Variants in MKX observed in about 807,000 individuals in gnomAD.
The protein encoded by MKX is homeobox protein Mohawk.
Under a neutral mutation model 36.0 loss-of-function variants are expected in MKX, and 13 were observed. The ratio of observed to expected loss-of-function variants is 0.36; its 90% confidence interval spans 0.24 to 0.57. The LOEUF is 0.57. Ranked by LOEUF, MKX falls within the 20% of genes least tolerant of loss-of-function variation. The pLI is 0.79. For missense variants in MKX, 458 were observed against 456.4 expected (o/e 1.00, Z -0.03); for synonymous variants, 176 against 178.3 (o/e 0.99, Z 0.10).
chr10:27,731,033 C>G (rs1414218042), intron 5 of MKX, among the ~76,000 whole-genome samples: 1 of 150,354 alleles, frequency 6.7e-6, no homozygotes, highest in African/African-American at 2.4e-5. Flanking sequence ...ACTCAGGAGG[C>G]TGAGGCAGGA....
intron 5 of MKX, among the ~76,000 whole-genome samples, chr10:27,708,038 C>T (rs1249551993): frequency 6.6e-6 from 1 of 152,150 alleles, no homozygotes; most frequent in Non-Finnish European, 1.5e-5. Flanking sequence ...AACCTTTATA[C>T]ATTTTCTAAA....
At chr10:27,699,613 C>T (rs574247297) in intron 5 of MKX, among the ~76,000 whole-genome samples, 58 of 152,152 alleles carry the variant, frequency 3.8e-4, no homozygotes, top group Middle Eastern at 3.4e-3. Context: ...CCACAAAATA[C>T]AAATAAACAA....
chr10:27,735,160 A>G (rs1248419463), intron 4 of MKX, 61 bp downstream of exon 4: 4 of 1,453,762 alleles, frequency 2.8e-6, no homozygotes, highest in East Asian at 2.5e-5. Context: ...AAAAATAGCA[A>G]TTATGGTGAA....
At chr10:27,686,394 AAAGGAAGGAAGGAAGGAAGGAAGGAAGG>A (rs199641003) in intron 5 of MKX, among the ~76,000 whole-genome samples, 10 of 122,998 alleles carry the variant, frequency 8.1e-5, no homozygotes, top group Admixed American at 5.1e-4. Context: ...AAGGGAAGGG[AAAGGAAGGAAGGAAGGAAGGAAGGAAGG>A]AAGGAAGGAA....
intron 5 of MKX, among the ~76,000 whole-genome samples, chr10:27,679,099 C>T (rs1340984183): frequency 1.3e-5 from 2 of 151,964 alleles, no homozygotes; most frequent in Non-Finnish European, 2.9e-5. Flanking sequence ...AATCATCTTA[C>T]ATCACACACC....
rs1254491396 is a variant in MKX at position 27,743,284 on chromosome 10, G to A, written c.132C>T (p.Gly44=). ...CCTTGAGGGGCGGGCCGTCGGGAAT[G>A]CCCACCTCGGGGCGGGCGTGAGGAC... ...LDSPHARPEV[G]IPDGPPLKDN... The change falls in exon 2 of 7, where the codon GGC becomes GGT. Residue 44 remains glycine (G), a synonymous_variant. Transcript: ENST00000419761. The A allele has an allele frequency of 3.2e-6, 5 of 1,552,696 alleles. No individual in the cohort carries two copies. In the East Asian group the frequency reaches 1.3e-4, roughly 39 times the overall value.
At chr10:27,709,976 A>G (rs1389225415) in intron 5 of MKX, among the ~76,000 whole-genome samples, 1 of 152,276 alleles carries the variant, frequency 6.6e-6, no homozygotes, top group Non-Finnish European at 1.5e-5. Flanking sequence ...TAATTAGTAT[A>G]GAAATTATCA....
At chr10:27,696,409 A>G (rs1394932482) in intron 5 of MKX, among the ~76,000 whole-genome samples, 1 of 152,202 alleles carries the variant, frequency 6.6e-6, no homozygotes, top group Non-Finnish European at 1.5e-5. Context: ...GAGACAGCAC[A>G]CTTTTAAGAT....
At chr10:27,715,202 C>CAGAT (rs9299860) in intron 5 of MKX, among the ~76,000 whole-genome samples, 103,110 of 151,638 alleles carry the variant, frequency 0.68, 37,050 homozygotes, top group Non-Finnish European at 0.8. Flanking sequence ...TGCAGGCAGA[C>CAGAT]GCTTGCTTTG....
At chr10:27,734,395 G>A in intron 5 of MKX, 61 bp downstream of exon 5, 3 of 1,380,092 alleles carry the variant, frequency 2.2e-6, no homozygotes, top group Non-Finnish European at 3.0e-6. Context: ...TCCCTCTGAT[G>A]CAGTTTTAAT....
At chr10:27,685,867 T>C (rs1836338221) in intron 5 of MKX, among the ~76,000 whole-genome samples, 2 of 152,196 alleles carry the variant, frequency 1.3e-5, no homozygotes, top group African/African-American at 4.8e-5. Context: ...TCAGAGGAAA[T>C]TTTTGTGGTT....
In MKX at chr10:27,741,718, AG is replaced by A. The variant is rs1055014216; in HGVS notation, c.189-215del. Among the ~76,000 whole-genome samples, 5 of 152,236 alleles carry A rather than the reference AG, an allele frequency of 3.3e-5. No homozygotes were observed. Among genetic ancestry groups the A allele is most frequent in the African/African-American group, 1.2e-4 (5 of 41,472 alleles). On this transcript the variant is annotated intron_variant, in intron 2 of 6. Coordinates refer to ENST00000419761, the MANE Select transcript of MKX (RefSeq NM_173576.3). The surrounding 1 kb of genome is among the most constrained non-coding windows in gnomAD (Gnocchi z 5.1). Reference sequence around the variant, plus strand: ...TCATTTCGATAGGTTTATCTTGAATAGGGGGATACCTTGAACCCAATACCCC... The same window carrying A: ...TCATTTCGATAGGTTTATCTTGAATAGGGGATACCTTGAACCCAATACCCC...
chr10:27,688,369 A>G (rs957138144), intron 5 of MKX, among the ~76,000 whole-genome samples: 3 of 152,236 alleles, frequency 2.0e-5, no homozygotes, highest in Non-Finnish European at 4.4e-5. Flanking sequence ...AGATTAATGG[A>G]TTAAGTGTGC....
chr10:27,730,527 G>C (rs560526951), intron 5 of MKX, among the ~76,000 whole-genome samples: 8 of 148,968 alleles, frequency 5.4e-5, no homozygotes, highest in African/African-American at 2.0e-4. Flanking sequence ...GTACAATCTC[G>C]GCTCACTGCA....
chr10:27,734,624 T>C lies in MKX; in HGVS notation c.670A>G (p.Asn224Asp). 1 of 1,614,206 alleles carries C rather than the reference T, an allele frequency of 6.2e-7. No individual in the cohort carries two copies. The highest frequency in any genetic ancestry group is 8.5e-7 in the Non-Finnish European group (1 of 1,180,034). Reference protein sequence around the residue: ...APPKYKSSLLNRYLNDSLRHV... With the variant: ...APPKYKSSLLDRYLNDSLRHV... The stretch of plus-strand genomic sequence containing the variant: ...CTCAAAGAGTCATTAAGGTAACGGT[T>C]CAACAAGCTGCTCTTGTATTTGGGG... The change falls in exon 5 of 7, where the codon AAC (asparagine) becomes GAC (aspartate). Residue 224 changes from asparagine to aspartate, a missense_variant. This residue lies in a region of MKX where 297 missense variants were observed against 304.4 expected (regional missense o/e 0.98). Coordinates refer to ENST00000419761, the MANE Select transcript of MKX (RefSeq NM_173576.3).
chr10:27,741,642 G>T lies in MKX; in HGVS notation c.189-138C>A. 1 of 985,884 alleles carries T rather than the reference G, an allele frequency of 1.0e-6. No individual in the cohort carries two copies. The highest frequency in any genetic ancestry group is 1.4e-6 in the Non-Finnish European group (1 of 697,384). The allele number at this position is 985,884 out of a possible 1,614,324, so 61.1% of individuals were successfully genotyped here. ...CGCCCCTGCTTTGCGCGCGCCCAGA[G>T]TGTTTGGGAGAGGCAGGAAGTGGGA... On this transcript the variant is annotated intron_variant, in intron 2 of 6. Coordinates refer to ENST00000419761, the MANE Select transcript of MKX (RefSeq NM_173576.3). This position sits in a 1 kb window ranked among gnomAD's most constrained non-coding sequence, Gnocchi z 5.1.
At chr10:27,724,788 CA>C (rs1330811546) in intron 5 of MKX, among the ~76,000 whole-genome samples, 10 of 151,326 alleles carry the variant, frequency 6.6e-5, no homozygotes, top group African/African-American at 2.4e-4. Context: ...CACACACACA[CA>C]CACCCCGCAG....
At chr10:27,724,791 A>ACCCC (rs1554773427) in intron 5 of MKX, among the ~76,000 whole-genome samples, 4 of 147,772 alleles carry the variant, frequency 2.7e-5, no homozygotes, top group Admixed American at 6.8e-5. Flanking sequence ...ACACACACAC[A>ACCCC]CCCCGCAGAA....
intron 5 of MKX, among the ~76,000 whole-genome samples, chr10:27,682,228 T>G (rs1836266719): frequency 6.6e-6 from 1 of 152,172 alleles, no homozygotes; most frequent in African/African-American, 2.4e-5. Context: ...AAAGAAAATA[T>G]TTTCATACAG....
Sources: gnomAD v4.1 joint callset for allele counts (sites outside exome capture counted in the v4.1 genomes callset) on GRCh38, gnomAD v4.1.1 for gene constraint, gnomAD v4.1.1 regional missense constraint, Gnocchi (gnomAD v3.1) non-coding constraint, MANE v1.5 for transcripts, NCBI Gene and HGNC (gene_info 2026-07-23, HGNC 2026-07-21) for gene names.